Variants in MBOAT2 observed in about 807,000 individuals in gnomAD.
The protein encoded by MBOAT2 is membrane bound glycerophospholipid O-acyltransferase 2, also known as membrane-bound glycerophospholipid O-acyltransferase 2.
Under a neutral mutation model 63.4 loss-of-function variants are expected in MBOAT2, and 28 were observed. The observed-to-expected ratio is 0.44, with a 90% CI of 0.33 to 0.61. The LOEUF is 0.61. Ranked by LOEUF, MBOAT2 falls within the 20% of genes least tolerant of loss-of-function variation. The pLI is 0.03. For missense variants in MBOAT2, 470 were observed against 605.8 expected (o/e 0.78, Z 2.35); for synonymous variants, 211 against 215.6 (o/e 0.98, Z 0.19).
At chr2:8,893,072 G>GGGGAGGAGGCAGGGGGAGGGGGTGC (rs1664131618) in intron 4 of MBOAT2, among the ~76,000 whole-genome samples, 1 of 133,570 alleles carries the variant, frequency 7.5e-6, no homozygotes, top group Non-Finnish European at 1.6e-5. Context: ...GGAGGGGGTG[G>GGGGAGGAGGCAGGGGGAGGGGGTGC]GGGAGGAGGC....
chr2:8,872,567 C>G (rs1662402076), intron 8 of MBOAT2, among the ~76,000 whole-genome samples: 1 of 152,182 alleles, frequency 6.6e-6, no homozygotes, highest in Non-Finnish European at 1.5e-5. Flanking sequence ...TAGGGGTGAG[C>G]CACCATAACT....
chr2:8,913,890 C>G (rs1272393396), intron 3 of MBOAT2, among the ~76,000 whole-genome samples: 1 of 152,198 alleles, frequency 6.6e-6, no homozygotes, highest in African/African-American at 2.4e-5. Context: ...TATAGCAGCA[C>G]AATTCACGAT....
intron 1 of MBOAT2, among the ~76,000 whole-genome samples, chr2:9,002,688 C>T (rs1431940583): frequency 6.7e-6 from 1 of 148,630 alleles, no homozygotes; most frequent in Non-Finnish European, 1.5e-5. Flanking sequence ...ACTTTCTTTT[C>T]TCAGTAAAAA....
At chr2:8,905,774 T>C (rs1239655618) in intron 4 of MBOAT2, among the ~76,000 whole-genome samples, 4 of 152,218 alleles carry the variant, frequency 2.6e-5, no homozygotes, top group Non-Finnish European at 1.5e-5. Flanking sequence ...CTGCACGTTG[T>C]GCACATGTAC....
intron 4 of MBOAT2, among the ~76,000 whole-genome samples, chr2:8,900,371 A>G (rs1664822537): frequency 6.6e-6 from 1 of 152,218 alleles, no homozygotes; most frequent in Admixed American, 6.5e-5. Flanking sequence ...ATCTAATAAT[A>G]GCATGACATC....
intron 1 of MBOAT2, among the ~76,000 whole-genome samples, chr2:8,963,145 G>C (rs1465302762): frequency 6.6e-6 from 1 of 151,784 alleles, no homozygotes; most frequent in Non-Finnish European, 1.5e-5. Flanking sequence ...AGGTGAGGTG[G>C]AAGGATTGCT....
chr2:8,880,516 G>A (rs1437755888), intron 6 of MBOAT2, among the ~76,000 whole-genome samples: 1 of 152,208 alleles, frequency 6.6e-6, no homozygotes, highest in East Asian at 1.9e-4. Flanking sequence ...AATGGCAGTT[G>A]GATAAATGAG....
chr2:8,945,707 C>T (rs1668366876), intron 2 of MBOAT2, among the ~76,000 whole-genome samples: 1 of 151,946 alleles, frequency 6.6e-6, no homozygotes, highest in Non-Finnish European at 1.5e-5. Context: ...TTTAAGCTAC[C>T]TAAAAAGTGC....
chr2:8,962,276 G>C (rs949471151), intron 1 of MBOAT2, among the ~76,000 whole-genome samples: 1 of 151,928 alleles, frequency 6.6e-6, no homozygotes, highest in Admixed American at 6.6e-5. Flanking sequence ...TTGAATTCCT[G>C]ACCACTGCAT....
At chr2:8,867,170 C>G (rs1045479580) in intron 9 of MBOAT2, among the ~76,000 whole-genome samples, 7 of 152,058 alleles carry the variant, frequency 4.6e-5, no homozygotes, top group African/African-American at 1.7e-4. Context: ...GTGCTCACTA[C>G]CATGCCCAGC....
rs549219947 is a variant in MBOAT2 at position 8,964,369 on chromosome 2, A to T, written c.76-5727T>A. 3.3e-5 allele frequency among the ~76,000 whole-genome samples: 5 copies of T among 152,056 alleles called. No individual in the cohort carries two copies. The East Asian group carries it at 9.7e-4, about 29-fold the overall frequency. ...CTGACATTTATCTATGTTGATACAC[A>T]TGGCTCTACCTTATTTACTCATCTT... On this transcript the variant is annotated intron_variant, in intron 1 of 12. Transcript: ENST00000305997.
chr2:8,969,163 A>T (rs962875714), intron 1 of MBOAT2, among the ~76,000 whole-genome samples: 1 of 152,170 alleles, frequency 6.6e-6, no homozygotes, highest in Non-Finnish European at 1.5e-5. Context: ...TCAGACTAAC[A>T]GCGGATCTCT....
At chr2:8,975,988 C>T (rs1670787656) in intron 1 of MBOAT2, among the ~76,000 whole-genome samples, 1 of 152,038 alleles carries the variant, frequency 6.6e-6, no homozygotes, top group Admixed American at 6.6e-5. Flanking sequence ...AGCAAGAAGC[C>T]CTGTTCTGCA....
rs535646574 is a variant in MBOAT2 at position 8,994,335 on chromosome 2, G to A, written c.75+9205C>T. ...TCGGAGGGCCCTAACCAACAGGGCA[G>A]CCCAGGCATTCTCTCGCAGCACTGC... On this transcript the variant is annotated intron_variant, in intron 1 of 12. Coordinates refer to ENST00000305997, the MANE Select transcript of MBOAT2 (RefSeq NM_138799.4). Among the ~76,000 whole-genome samples, 3 of 152,366 alleles carry A rather than the reference G, an allele frequency of 2.0e-5. No homozygotes were observed. In the East Asian group the frequency reaches 5.8e-4, roughly 29 times the overall value.
chr2:8,963,329 A>G (rs1318613241), intron 1 of MBOAT2, among the ~76,000 whole-genome samples: 1 of 152,000 alleles, frequency 6.6e-6, no homozygotes, highest in Non-Finnish European at 1.5e-5. Context: ...CTTTGAGACA[A>G]TTTTGCTCTT....
At position 8,862,468 on chromosome 2, in the gene MBOAT2, T is replaced by C; in HGVS notation, c.1185+122A>G. 7.3e-7 allele frequency: 1 copy of C among 1,372,300 alleles called. No individual in the cohort carries two copies. The highest frequency in any genetic ancestry group is 1.0e-6 in the Non-Finnish European group (1 of 1,003,426). The allele number at this position is 1,372,300 out of a possible 1,614,324, so 85.0% of individuals were successfully genotyped here. On this transcript the variant is annotated intron_variant, in intron 11 of 12. Transcript: ENST00000305997. The surrounding 1 kb of genome is among the most constrained non-coding windows in gnomAD (Gnocchi z 4.3). The stretch of plus-strand genomic sequence containing the variant: ...CACGCAGTACACACCTCGCTTCTAG[T>C]GGAAAGGACAATACTGACCACGACC...
chr2:8,864,422 T>C lies in MBOAT2; in HGVS notation c.988-188A>G, dbSNP rs148576956. On this transcript the variant is annotated intron_variant, in intron 9 of 12. Transcript: ENST00000305997. ...ATTCTACGTAAGACAAGTTTATTTA[T>C]TGTTGGGAACATCTATGAGGTGATG... Among the ~76,000 whole-genome samples, 672 of 152,106 alleles carry C rather than the reference T, an allele frequency of 4.4e-3. 1 individual carries two copies. Among genetic ancestry groups the C allele is most frequent in the South Asian group, 0.017 (83 of 4,818 alleles).
chr2:8,857,861 G>T lies in MBOAT2; in HGVS notation c.*818C>A, dbSNP rs1661207183. The T allele has an allele frequency of 6.6e-6, 1 of 152,210 alleles. No individual in the cohort carries two copies. The highest frequency in any genetic ancestry group is 2.1e-4 in the South Asian group (1 of 4,830). The allele number at this position is 152,210 out of a possible 1,614,324, so 9.4% of individuals were successfully genotyped here. On this transcript the variant is annotated 3_prime_UTR_variant, in exon 13 of 13. Coordinates refer to ENST00000305997, the MANE Select transcript of MBOAT2 (RefSeq NM_138799.4). ...CTGCAGAGTCGCGGCTGTGCCCCGT[G>T]CATTCCACCGGAGGCCACGCAGTGC...
intron 4 of MBOAT2, among the ~76,000 whole-genome samples, chr2:8,891,230 G>A (rs1186101544): frequency 2.0e-5 from 3 of 152,224 alleles, no homozygotes; most frequent in Non-Finnish European, 2.9e-5. Flanking sequence ...CAGAAAGACA[G>A]AAGACAAAAT....
Sources: gnomAD v4.1 joint callset for allele counts (sites outside exome capture counted in the v4.1 genomes callset) on GRCh38, gnomAD v4.1.1 for gene constraint, Gnocchi (gnomAD v3.1) non-coding constraint, MANE v1.5 for transcripts, NCBI Gene and HGNC (gene_info 2026-07-23, HGNC 2026-07-21) for gene names.